The following P2RX4 variants were observed in gnomAD, a reference collection of about 807,000 sequenced individuals.
P2RX4 encodes P2X purinoceptor 4.
In P2RX4, 37 loss-of-function variants were observed where a neutral mutation model predicts 48.0. That is an observed-to-expected ratio of 0.77 (90% CI 0.59 to 1.01). The LOEUF (loss-of-function observed/expected upper bound fraction) is 1.01. Ranked by LOEUF, P2RX4 falls within the 50% of genes least tolerant of loss-of-function variation. The pLI is 0.00. For missense variants in P2RX4, 501 were observed against 521.4 expected (o/e 0.96, Z 0.38); for synonymous variants, 200 against 199.7 (o/e 1.00, Z -0.01).
Position 121,210,222 on chromosome 12 carries a change from A to T in P2RX4, c.58A>T (p.Ile20Phe). ...AFLFEYDTPR[I>F]VLIRSRKVGL... is the part of the protein sequence containing the mutation. Reference sequence around the variant, plus strand: ...CCTGTTCGAGTACGACACGCCGCGCATCGTGCTCATCCGCAGCCGCAAAGT... The same window carrying T: ...CCTGTTCGAGTACGACACGCCGCGCTTCGTGCTCATCCGCAGCCGCAAAGT... The change falls in exon 1 of 12, where the codon ATC becomes TTC. Residue 20 changes from isoleucine to phenylalanine, a missense_variant. This residue lies in a region of P2RX4 where 295 missense variants were observed against 275.3 expected (regional missense o/e 1.07). Transcript: ENST00000337233. 1.3e-6 allele frequency: 2 copies of T among 1,560,398 alleles called. No homozygotes were observed. Among genetic ancestry groups the T allele is most frequent in the Middle Eastern group, 4.6e-4 (2 of 4,314 alleles).
rs770650067 is a variant in P2RX4 at position 121,210,283 on chromosome 12, T to C, written c.119T>C (p.Leu40Pro). Residue 40 changes from leucine to proline, a missense_variant, in exon 1 of 12, where the codon CTG (leucine) becomes CCG (proline). Leu to Pro is a moderately conservative substitution (Grantham distance 98). This residue lies in a region of P2RX4 where 295 missense variants were observed against 275.3 expected (regional missense o/e 1.07). Coordinates refer to ENST00000337233, the MANE Select transcript of P2RX4 (RefSeq NM_002560.3). ...AACCGCGCCGTGCAACTGCTCATCC[T>C]GGCCTACGTCATCGGGTGAGCGTGG... ...LMNRAVQLLI[L>P]AYVIGWVFVW... 3.2e-6 allele frequency: 5 copies of C among 1,550,680 alleles called. No homozygotes were observed. In the African/African-American group the frequency reaches 7.1e-5, roughly 22 times the overall value.
chr12:121,222,656 C>G, intron 4 of P2RX4: 1 of 962,482 alleles, frequency 1.0e-6, no homozygotes, highest in Non-Finnish European at 1.5e-6. Context: ...AGGTGATCCA[C>G]CCGCCTCAGC....
At position 121,222,169 on chromosome 12, in the gene P2RX4, A is replaced by T. The variant is rs1334520466; in HGVS notation, c.427+3A>T. The T allele has an allele frequency of 6.2e-7, 1 of 1,608,190 alleles. No homozygotes were observed. The highest frequency in any genetic ancestry group is 1.3e-5 in the African/African-American group (1 of 74,840). ...CTCTGCCGGCACCCACAGCAACGGT[A>T]CGAGCTTGTGGCCTCCTGGGGAGGG... On this transcript the variant is annotated splice_donor_region_variant and intron_variant, in intron 4 of 11. Transcript: ENST00000337233.
At chr12:121,230,409 G>C (rs930916648) in intron 8 of P2RX4, among the ~76,000 whole-genome samples, 4 of 152,036 alleles carry the variant, frequency 2.6e-5, no homozygotes, top group Admixed American at 6.5e-5. Context: ...GGCCCTGCAA[G>C]GACCATCCCT....
Position 121,229,204 on chromosome 12 carries a change from A to C in P2RX4, c.884+105A>C. 5 of 1,387,552 alleles carry C rather than the reference A, an allele frequency of 3.6e-6. No individual in the cohort carries two copies. The highest frequency in any genetic ancestry group is 5.1e-6 in the Non-Finnish European group (5 of 985,278). 86.0% of individuals were successfully genotyped at this position (1,387,552 alleles called of 1,614,324 possible). ...AGACCAGCACTCAGGCAGCACCCCA[A>C]GGGCAGGCTGCCGGTCCCCCGTCCA... On this transcript the variant is annotated intron_variant, in intron 8 of 11. Coordinates refer to ENST00000337233, the MANE Select transcript of P2RX4 (RefSeq NM_002560.3). The surrounding 1 kb of genome is among the most constrained non-coding windows in gnomAD (Gnocchi z 4.6).
At chr12:121,210,765 C>T (rs76691320) in intron 1 of P2RX4, among the ~76,000 whole-genome samples, 3,420 of 152,252 alleles carry the variant, frequency 0.022, 135 homozygotes, top group African/African-American at 0.078. Context: ...GGAGACAGTC[C>T]GAGACCCGTC....
At chr12:121,228,434 A>G in intron 5 of P2RX4, 99 bp from the exon 6 acceptor site, 2 of 592,152 alleles carry the variant, frequency 3.4e-6, no homozygotes. Flanking sequence ...ACACACACAC[A>G]CAATACATAT....
chr12:121,230,982 A>ATATATAT (rs1471846304), intron 8 of P2RX4, among the ~76,000 whole-genome samples: 2 of 113,254 alleles, frequency 1.8e-5, no homozygotes, highest in East Asian at 2.3e-4. Flanking sequence ...ATATATATAT[A>ATATATAT]TTTTTTTTTT....
intron 11 of P2RX4, chr12:121,233,317 C>A (rs755171244): frequency 1.5e-6 from 1 of 646,240 alleles, no homozygotes; most frequent in Non-Finnish European, 2.8e-6. Context: ...TGAGCGACAT[C>A]TCAGGTTGGT....
chr12:121,214,808 A>G (rs1260124068), intron 1 of P2RX4: 1 of 152,136 alleles, frequency 6.6e-6, no homozygotes, highest in Non-Finnish European at 1.5e-5. Flanking sequence ...TGGTGGAGGG[A>G]CAGAGTCTCA....
chr12:121,224,318 G>A (rs555224996), intron 5 of P2RX4, among the ~76,000 whole-genome samples: 21 of 152,220 alleles, frequency 1.4e-4, no homozygotes, highest in Non-Finnish European at 2.6e-4. Flanking sequence ...AAACTAGACA[G>A]GTTCATCCTG....
intron 5 of P2RX4, among the ~76,000 whole-genome samples, chr12:121,225,980 G>T (rs964959819): frequency 1.3e-5 from 2 of 151,346 alleles, no homozygotes; most frequent in African/African-American, 4.9e-5. Context: ...GGACTCAAGT[G>T]ATCTTCCCGC....
intron 5 of P2RX4, among the ~76,000 whole-genome samples, chr12:121,224,788 G>C (rs955028656): frequency 6.6e-6 from 1 of 151,888 alleles, no homozygotes; most frequent in Admixed American, 6.6e-5. Context: ...AGCTCAGACC[G>C]AGGTCTCCAT....
Position 121,223,036 on chromosome 12 carries a change from G to C in P2RX4, c.517G>C (p.Val173Leu). The change falls in exon 5 of 12, where the codon GTG (valine) becomes CTG (leucine). Residue 173 changes from valine (V) to leucine (L), a missense_variant. Transcript: ENST00000337233. ...GTGCCCGGTGGAGGATGACACACAC[G>C]TGCCACAGTGAGTCCAGCCCTAGGG... ...AWCPVEDDTH[V>L]PQPAFLKAAE... The C allele has an allele frequency of 6.3e-7, 1 of 1,599,400 alleles. No individual in the cohort carries two copies. Among genetic ancestry groups the C allele is most frequent in the Non-Finnish European group, 8.6e-7 (1 of 1,166,604 alleles).
At position 121,232,650 on chromosome 12, in the gene P2RX4, G is replaced by A. The variant is rs748653834; in HGVS notation, c.1018G>A (p.Gly340Ser). The change falls in exon 10 of 12, where the codon GGC becomes AGC. Residue 340 changes from glycine to serine, a missense_variant. Around this residue, in one of 3 missense-constraint regions of P2RX4, gnomAD observed 197 missense variants for 219.5 expected, o/e 0.90. Transcript: ENST00000337233. The surrounding 1 kb of genome is among the most constrained non-coding windows in gnomAD (Gnocchi z 4.3). ...CATCATCCCCACTATGATCAACATC[G>A]GCTCTGGCCTGGCACTGCTAGGCAT... The part of the protein sequence containing the change: ...FDIIPTMINI[G>S]SGLALLGMAT... The A allele has an allele frequency of 6.8e-6, 11 of 1,613,746 alleles. No individual in the cohort carries two copies. The highest frequency in any genetic ancestry group is 5.0e-5 in the Admixed American group (3 of 59,986).
rs908535696 is a variant in P2RX4, at chr12:121,232,849, C to T, written c.1045-148C>T. On this transcript the variant is annotated intron_variant, in intron 10 of 11. Coordinates refer to ENST00000337233, the MANE Select transcript of P2RX4 (RefSeq NM_002560.3). This position sits in a 1 kb window ranked among gnomAD's most constrained non-coding sequence, Gnocchi z 4.3. ...ACCTTCCCTTCTCCAAGACCACCCC[C>T]CTCAGGTCCCAGCCTTCTCCCAAGA... is the stretch of plus-strand genomic sequence containing the variant. The T allele has an allele frequency of 1.2e-5, 10 of 858,848 alleles. No individual in the cohort carries two copies. The highest frequency in any genetic ancestry group is 1.8e-5 in the Non-Finnish European group (9 of 503,306). The allele number at this position is 858,848 out of a possible 1,614,324, so 53.2% of individuals were successfully genotyped here.
At chr12:121,219,919 G>A (rs928956200) in intron 2 of P2RX4, among the ~76,000 whole-genome samples, 1 of 151,990 alleles carries the variant, frequency 6.6e-6, no homozygotes, top group South Asian at 2.1e-4. Flanking sequence ...AATGAGAGGA[G>A]GATCCAACTA....
chr12:121,217,791 A>G (rs1475904186), intron 2 of P2RX4, among the ~76,000 whole-genome samples: 1 of 151,708 alleles, frequency 6.6e-6, no homozygotes, highest in Non-Finnish European at 1.5e-5. Context: ...AAAAAAAGAA[A>G]AGAATTAGAG....
At chr12:121,219,016 C>T (rs1333792855) in intron 2 of P2RX4, among the ~76,000 whole-genome samples, 3 of 151,998 alleles carry the variant, frequency 2.0e-5, no homozygotes, top group Non-Finnish European at 4.4e-5. Context: ...CAGAGCAAGA[C>T]CCCAACTCTA....
Sources: allele counts gnomAD v4.1 joint callset (sites outside exome capture counted in the v4.1 genomes callset), GRCh38; gene constraint gnomAD v4.1.1; regional missense constraint gnomAD v4.1.1; non-coding constraint Gnocchi (gnomAD v3.1); transcripts MANE v1.5; gene names NCBI Gene and HGNC (gene_info 2026-07-23, HGNC 2026-07-21).